HTRA3: variants seen among roughly 807,000 people sequenced by gnomAD.
HTRA3 encodes HtrA serine peptidase 3.
Under a neutral mutation model 43.2 loss-of-function variants are expected in HTRA3, and 41 were observed. The observed-to-expected ratio is 0.95, with a 90% confidence interval of 0.74 to 1.23. HTRA3 has a LOEUF of 1.23. HTRA3 is among the 50% of genes most tolerant of loss of function. The pLI, the probability that HTRA3 is intolerant of heterozygous loss-of-function variation, is 0.00. For synonymous variants in HTRA3, 295 were observed against 287.9 expected (o/e 1.02, Z -0.25); for missense variants, 628 against 647.1 (o/e 0.97, Z 0.32).
rs1389540468 is a variant in HTRA3 at position 8,296,391 on chromosome 4, A to C, written c.1051+2190A>C. 1.0e-6 allele frequency: 1 copy of C among 985,364 alleles called. No individual in the cohort carries two copies. Among genetic ancestry groups the C allele is most frequent in the African/African-American group, 1.7e-5 (1 of 57,246 alleles). The allele number at this position is 985,364 out of a possible 1,614,324, so 61.0% of individuals were successfully genotyped here. On this transcript the variant is annotated intron_variant, in intron 6 of 8. Transcript: ENST00000307358. The surrounding 1 kb of genome is among the most constrained non-coding windows in gnomAD (Gnocchi z 5.3). ...CTGATAAACCTTAGCTGCATGGCAC[A>C]CTTGCAATTTTAAAATCCTTCTGAA...
Position 8,276,397 on chromosome 4 carries a change from C to T in HTRA3, c.386-6040C>T, listed in dbSNP as rs1190729582. Among the ~76,000 whole-genome samples, 6 of 152,158 alleles carry T rather than the reference C, an allele frequency of 3.9e-5. No individual in the cohort carries two copies. The South Asian group carries it at 6.2e-4, about 16-fold the overall frequency. On this transcript the variant is annotated intron_variant, in intron 1 of 8. Transcript: ENST00000307358. ...ATGTGAAGAAAGGATGGCAGGTGGACGCGTCTTACAGAAGTGGAGTTAGTG... is the reference window on the plus strand; with the variant it reads ...ATGTGAAGAAAGGATGGCAGGTGGATGCGTCTTACAGAAGTGGAGTTAGTG...
In HTRA3 at chr4:8,289,100, C is replaced by G. The variant is rs535796700; in HGVS notation, c.709-2270C>G. On this transcript the variant is annotated intron_variant, in intron 3 of 8. Transcript: ENST00000307358. Reference sequence around the variant, plus strand: ...ATATAGCTAGGACTACAGGCATGCACCACCATACCTGGCTAATTTTTAAAT... The same window carrying G: ...ATATAGCTAGGACTACAGGCATGCAGCACCATACCTGGCTAATTTTTAAAT... 2.6e-5 allele frequency among the ~76,000 whole-genome samples: 4 copies of G among 152,058 alleles called. No homozygotes were observed. The South Asian group carries it at 8.3e-4, about 32-fold the overall frequency.
chr4:8,300,155 A>G (rs146788470), intron 6 of HTRA3, among the ~76,000 whole-genome samples: 135 of 152,278 alleles, frequency 8.9e-4, no homozygotes, highest in African/African-American at 3.1e-3. Context: ...ATCCTTTTAA[A>G]TGTATTTATG....
chr4:8,293,059 A>T (rs1713308013), intron 5 of HTRA3, among the ~76,000 whole-genome samples: 1 of 152,172 alleles, frequency 6.6e-6, no homozygotes, highest in Non-Finnish European at 1.5e-5. Flanking sequence ...CAACATGAGC[A>T]TTGCAGGAGG....
In HTRA3 at chr4:8,270,239, G is replaced by A; in HGVS notation, c.271G>A (p.Gly91Ser). The part of the protein sequence containing the change: ...CRCRWSHAVC[G>S]TDGHTYANVC... ...CTGCCGCTGGTCGCACGCCGTGTGT[G>A]GCACCGACGGGCACACCTATGCCAA... Residue 91 changes from glycine (G) to serine (S), a missense_variant, in exon 1 of 9, where the codon GGC becomes AGC. Gly to Ser is a moderately conservative substitution (Grantham distance 56, BLOSUM62 0). Transcript: ENST00000307358. 1 of 1,528,542 alleles carries A rather than the reference G, an allele frequency of 6.5e-7. No individual in the cohort carries two copies. The highest frequency in any genetic ancestry group is 8.7e-7 in the Non-Finnish European group (1 of 1,148,106). The allele number at this position is 1,528,542 out of a possible 1,614,324, so 94.7% of individuals were successfully genotyped here. A position where few individuals can be genotyped will look rare whatever the true frequency, so the allele number is the denominator to read the frequency against.
chr4:8,277,545 A>G (rs575670319), intron 1 of HTRA3, among the ~76,000 whole-genome samples: 1 of 152,308 alleles, frequency 6.6e-6, no homozygotes, highest in South Asian at 2.1e-4. Flanking sequence ...GGCTCCCCAG[A>G]GGAGGCGCTG....
At chr4:8,300,432 C>A (rs780124702) in intron 6 of HTRA3, among the ~76,000 whole-genome samples, 1 of 151,958 alleles carries the variant, frequency 6.6e-6, no homozygotes, top group Admixed American at 6.5e-5. Context: ...GTGCTATTTG[C>A]GTTATTTCTT....
chr4:8,287,852 A>T (rs1048473748), intron 3 of HTRA3, among the ~76,000 whole-genome samples: 5 of 152,056 alleles, frequency 3.3e-5, no homozygotes, highest in African/African-American at 9.7e-5. Flanking sequence ...CTCAGCTAGG[A>T]CCCCGGCCTC....
intron 1 of HTRA3, among the ~76,000 whole-genome samples, chr4:8,271,506 T>C (rs533001056): frequency 3.3e-5 from 5 of 152,336 alleles, no homozygotes; most frequent in Admixed American, 1.3e-4. Flanking sequence ...GCTAGGATTA[T>C]GTGGAAGAGC....
At chr4:8,284,585 G>T (rs1409095176) in intron 2 of HTRA3, among the ~76,000 whole-genome samples, 2 of 152,242 alleles carry the variant, frequency 1.3e-5, no homozygotes, top group African/African-American at 4.8e-5. Flanking sequence ...CCCCGCAGGT[G>T]CCTGGCCCTG....
chr4:8,305,969 A>C lies in HTRA3; in HGVS notation c.1197-2A>C. 1 of 1,610,180 alleles carries C rather than the reference A, an allele frequency of 6.2e-7. No individual in the cohort carries two copies. Among genetic ancestry groups the C allele is most frequent in the East Asian group, 2.2e-5 (1 of 44,736 alleles). ...TGGTGACCCCGTCTCTCCTGTTGGC[A>C]GAGGCGGCATCCAAGATGGTGACAT... On this transcript the variant is annotated splice_acceptor_variant, in intron 8 of 8. Transcript: ENST00000307358. LOFTEE classifies it high-confidence loss of function.
chr4:8,284,758 A>G (rs1271892597), intron 2 of HTRA3, among the ~76,000 whole-genome samples: 1 of 151,978 alleles, frequency 6.6e-6, no homozygotes, highest in Non-Finnish European at 1.5e-5. Flanking sequence ...CCTGGGGCAG[A>G]CCCCTGCTTT....
At chr4:8,271,736 C>T (rs970913146) in intron 1 of HTRA3, among the ~76,000 whole-genome samples, 2 of 136,962 alleles carry the variant, frequency 1.5e-5, no homozygotes, top group South Asian at 2.9e-4. Context: ...GGGACAAGGC[C>T]GAACGCTGCC....
At chr4:8,273,384 G>A (rs1263960849) in intron 1 of HTRA3, among the ~76,000 whole-genome samples, 3 of 152,130 alleles carry the variant, frequency 2.0e-5, no homozygotes, top group African/African-American at 7.2e-5. Context: ...GGCATTTCTG[G>A]GAGGAAGTCC....
intron 2 of HTRA3, among the ~76,000 whole-genome samples, chr4:8,283,330 C>G (rs895923055): frequency 3.9e-5 from 6 of 152,222 alleles, no homozygotes; most frequent in African/African-American, 1.2e-4. Context: ...TGCAGATGCA[C>G]AGGCAAAGCC....
intron 4 of HTRA3, among the ~76,000 whole-genome samples, chr4:8,291,828 G>A (rs569851789): frequency 2.6e-5 from 4 of 152,320 alleles, no homozygotes; most frequent in East Asian, 3.9e-4. Flanking sequence ...GCCACAGCCC[G>A]CAAACACCTT....
chr4:8,289,790 G>T (rs1713156303), intron 3 of HTRA3, among the ~76,000 whole-genome samples: 3 of 151,012 alleles, frequency 2.0e-5, no homozygotes, highest in Admixed American at 2.0e-4. Flanking sequence ...GGCCTCACCT[G>T]TGCACCCTCC....
rs1713686560 is a variant in HTRA3, at chr4:8,302,463, A to T, written c.1052A>T (p.Asp351Val). ...LTEFQDKQIKDWKKRFIGIRM... is the reference protein window; with the variant it reads ...LTEFQDKQIKVWKKRFIGIRM... ...GAGTCTCGCCGTGTTTCATTTCCAGACTGGAAGAAGCGCTTCATCGGCATA... is the reference window on the plus strand; with the variant it reads ...GAGTCTCGCCGTGTTTCATTTCCAGTCTGGAAGAAGCGCTTCATCGGCATA... Residue 351 changes from aspartate (D) to valine (V), a missense_variant and splice_region_variant, in exon 7 of 9, where the codon GAC becomes GTC. By Grantham distance (152) the Asp-to-Val change is radical (BLOSUM62 -3). Coordinates refer to ENST00000307358, the MANE Select transcript of HTRA3 (RefSeq NM_053044.5). 1 of 1,613,786 alleles carries T rather than the reference A, an allele frequency of 6.2e-7. No homozygotes were observed. The highest frequency in any genetic ancestry group is 2.2e-5 in the East Asian group (1 of 44,850).
chr4:8,273,285 C>T (rs1224237260), intron 1 of HTRA3, among the ~76,000 whole-genome samples: 2 of 152,220 alleles, frequency 1.3e-5, no homozygotes, highest in East Asian at 3.8e-4. Flanking sequence ...TGGAGTATTC[C>T]AGCAGCGTAG....
Sources: allele counts gnomAD v4.1 joint callset (sites outside exome capture counted in the v4.1 genomes callset), GRCh38; gene constraint gnomAD v4.1.1; non-coding constraint Gnocchi (gnomAD v3.1); transcripts MANE v1.5; gene names NCBI Gene and HGNC (gene_info 2026-07-23, HGNC 2026-07-21).